The following NNT variants were observed in gnomAD, a reference collection of about 807,000 sequenced individuals.
The protein encoded by NNT is nicotinamide nucleotide transhydrogenase, also known as NAD(P) transhydrogenase, mitochondrial.
In NNT, 50 loss-of-function variants were observed where a neutral mutation model predicts 104.8. That is an observed-to-expected ratio of 0.48 (90% CI 0.38 to 0.60). The LOEUF is 0.60. NNT is among the 20% of genes least tolerant of loss of function. The pLI, the probability that NNT is intolerant of heterozygous loss-of-function variation, is 0.00. For missense variants in NNT, 1,131 were observed against 1,330.7 expected, an observed-to-expected ratio of 0.85 and a Z score of 2.33; for synonymous variants, 461 against 490.4, an observed-to-expected ratio of 0.94 and a Z score of 0.79.
intron 4 of NNT, among the ~76,000 whole-genome samples, chr5:43,617,941 T>C (rs1029099218): frequency 2.0e-5 from 3 of 152,216 alleles, no homozygotes; most frequent in Admixed American, 6.5e-5. Context: ...CAAGTATTAT[T>C]ATGTAAAAAT....
At chr5:43,648,562 C>T (rs530023461) in intron 10 of NNT, 50 of 155,114 alleles carry the variant, frequency 3.2e-4, no homozygotes, top group Non-Finnish European at 5.7e-4. Context: ...CCCTGGCCAA[C>T]AGTCCAGTCC....
intron 14 of NNT, chr5:43,653,633 T>C (rs1243975961): frequency 6.5e-6 from 1 of 153,074 alleles, no homozygotes; most frequent in Non-Finnish European, 1.5e-5. Context: ...TTTAATTTTA[T>C]TCAGTTGTTT....
rs1330433953 is a variant in NNT at position 43,700,847 on chromosome 5, T to TA, written c.2995+616dup. 1.1e-4 allele frequency among the ~76,000 whole-genome samples: 17 copies of TA among 152,324 alleles called. 1 individual carries two copies. The South Asian group carries it at 3.3e-3, about 30-fold the overall frequency. ...CTCTGGCAAATATCCACTGTAAACT[T>TA]AAAAAAGGCTGTTTATTAGAAAAAG... is the stretch of plus-strand genomic sequence containing the variant. On this transcript the variant is annotated intron_variant, in intron 20 of 21. Coordinates refer to ENST00000344920, the MANE Select transcript of NNT (RefSeq NM_182977.3).
At chr5:43,690,958 A>G (rs909671368) in intron 19 of NNT, among the ~76,000 whole-genome samples, 6 of 151,946 alleles carry the variant, frequency 3.9e-5, no homozygotes, top group African/African-American at 4.8e-5. Flanking sequence ...GCATTTGAAT[A>G]TTTTCTTCTC....
chr5:43,627,538 C>T (rs924188095), intron 6 of NNT, among the ~76,000 whole-genome samples: 1 of 152,134 alleles, frequency 6.6e-6, no homozygotes, highest in Admixed American at 6.5e-5. Flanking sequence ...GTTACATGCA[C>T]GTCCACCACA....
Position 43,656,683 on chromosome 5 carries a change from C to A in NNT, c.2324C>A (p.Pro775His). 6.2e-7 allele frequency: 1 copy of A among 1,613,792 alleles called. No individual in the cohort carries two copies. Among genetic ancestry groups the A allele is most frequent in the Non-Finnish European group, 8.5e-7 (1 of 1,179,918 alleles). ...GLLKSAPLLL[P>H]GRHLLNAGLL... ...CTGAAATCTGCCCCTCTCCTACTGC[C>A]TGGAAGGCACTTACTCAATGCAGGC... Residue 775 changes from proline (P) to histidine (H), a missense_variant, in exon 16 of 22, where the codon CCT becomes CAT. Physicochemically the swap from Pro to His is moderately conservative, Grantham distance 77. Coordinates refer to ENST00000344920, the MANE Select transcript of NNT (RefSeq NM_182977.3).
chr5:43,639,618 C>T (rs1751113056), intron 7 of NNT, among the ~76,000 whole-genome samples: 1 of 152,080 alleles, frequency 6.6e-6, no homozygotes, highest in South Asian at 2.1e-4. Context: ...CCTCCATCCA[C>T]CCTGCATATG....
intron 17 of NNT, among the ~76,000 whole-genome samples, chr5:43,665,278 G>A (rs976397736): frequency 6.7e-5 from 10 of 149,992 alleles, no homozygotes; most frequent in African/African-American, 2.5e-4. Flanking sequence ...GGTGTTTCTC[G>A]GAGAGGGGGA....
intron 7 of NNT, among the ~76,000 whole-genome samples, chr5:43,629,157 CT>C (rs556293117): frequency 1.5e-4 from 23 of 152,182 alleles, no homozygotes; most frequent in African/African-American, 2.9e-4. Context: ...CTCACCCCCC[CT>C]CCCACTCTTA....
At position 43,615,984 on chromosome 5, in the gene NNT, C is replaced by T. The variant is rs1268600422; in HGVS notation, c.518C>T (p.Thr173Ile). Residue 173 changes from threonine to isoleucine, a missense_variant, in exon 4 of 22, where the codon ACA becomes ATA. By Grantham distance (89) the Thr-to-Ile change is moderately conservative. Coordinates refer to ENST00000344920, the MANE Select transcript of NNT (RefSeq NM_182977.3). ...LLNKLSQRKT[T>I]VLAMDQVPRV... is the part of the protein sequence containing the mutation. ...AATAAACTTTCCCAAAGAAAAACTA[C>T]AGTTCTGGCAATGGACCAGGTTCCA... 6.2e-7 allele frequency: 1 copy of T among 1,614,008 alleles called. No individual in the cohort carries two copies. Among genetic ancestry groups the T allele is most frequent in the Non-Finnish European group, 8.5e-7 (1 of 1,180,024 alleles).
intron 17 of NNT, among the ~76,000 whole-genome samples, chr5:43,660,279 A>G (rs966717037): frequency 6.6e-6 from 1 of 152,122 alleles, no homozygotes; most frequent in African/African-American, 2.4e-5. Flanking sequence ...GAGAGTTTCT[A>G]CCTTAGAAGT....
chr5:43,670,150 C>T lies in NNT; in HGVS notation c.2635-5361C>T, dbSNP rs554419074. ...ATATTCTCCTTATCATTTTTTATTG[C>T]GTCTATTTGATTCTTGTCTCTTTTC... On this transcript the variant is annotated intron_variant, in intron 17 of 21. Transcript: ENST00000344920. Among the ~76,000 whole-genome samples, 16 of 152,044 alleles carry T rather than the reference C, an allele frequency of 1.1e-4. No individual in the cohort carries two copies. The South Asian group carries it at 2.3e-3, about 22-fold the overall frequency.
At chr5:43,693,327 T>A (rs184009628) in intron 19 of NNT, among the ~76,000 whole-genome samples, 15 of 152,376 alleles carry the variant, frequency 9.8e-5, no homozygotes, top group Admixed American at 2.0e-4. Context: ...TAAACCTGCA[T>A]ATGAAAAGAT....
chr5:43,623,650 G>A (rs1750211014), intron 5 of NNT, among the ~76,000 whole-genome samples: 1 of 152,160 alleles, frequency 6.6e-6, no homozygotes, highest in South Asian at 2.1e-4. Context: ...TAGGGTAAAG[G>A]TAGTTAGAAT....
At chr5:43,694,633 C>T (rs1197345779) in intron 19 of NNT, among the ~76,000 whole-genome samples, 14 of 151,984 alleles carry the variant, frequency 9.2e-5, no homozygotes, top group Admixed American at 9.2e-4. Context: ...ATGAAGCCTA[C>T]TTGATTGTGG....
intron 19 of NNT, among the ~76,000 whole-genome samples, chr5:43,698,756 GGAT>G (rs1390276628): frequency 2.0e-5 from 3 of 151,662 alleles, no homozygotes; most frequent in East Asian, 1.9e-4. Context: ...AAGAACTTAT[GGAT>G]GATAAGTGAG....
At chr5:43,674,779 T>A (rs1483467427) in intron 17 of NNT, among the ~76,000 whole-genome samples, 1 of 152,262 alleles carries the variant, frequency 6.6e-6, no homozygotes, top group Non-Finnish European at 1.5e-5. Flanking sequence ...GTGGCATTCC[T>A]ATGGTACATT....
At chr5:43,652,150 G>A (rs889360579) in intron 13 of NNT, among the ~76,000 whole-genome samples, 3 of 152,174 alleles carry the variant, frequency 2.0e-5, no homozygotes, top group African/African-American at 7.2e-5. Flanking sequence ...CCACATGTAA[G>A]AGGAGTTAAG....
At chr5:43,628,850 G>C (rs1259352680) in intron 7 of NNT, among the ~76,000 whole-genome samples, 2 of 152,084 alleles carry the variant, frequency 1.3e-5, no homozygotes, top group Non-Finnish European at 2.9e-5. Context: ...GTCTCCCAAA[G>C]TGCTGGGATT....
Sources: allele counts gnomAD v4.1 joint callset (sites outside exome capture counted in the v4.1 genomes callset), GRCh38; gene constraint gnomAD v4.1.1; transcripts MANE v1.5; gene names NCBI Gene and HGNC (gene_info 2026-07-23, HGNC 2026-07-21).